Variants in BCAS3 observed in about 807,000 individuals in gnomAD.
The protein encoded by BCAS3 is BCAS3 microtubule associated cell migration factor.
BCAS3 carries 53 observed loss-of-function variants against 116.1 expected under a neutral mutation model. That is an observed-to-expected ratio of 0.46 (90% CI 0.37 to 0.57). The LOEUF is 0.57. Ranked by LOEUF, BCAS3 falls within the 20% of genes least tolerant of loss-of-function variation. BCAS3 has a pLI of 0.00. For missense variants in BCAS3, 917 were observed against 1,165.4 expected (o/e 0.79, Z 3.10); for synonymous variants, 391 against 408.2 (o/e 0.96, Z 0.51).
intron 12 of BCAS3, among the ~76,000 whole-genome samples, chr17:60,922,959 C>T (rs1055522401): frequency 3.3e-5 from 5 of 152,094 alleles, no homozygotes; most frequent in African/African-American, 7.2e-5. Context: ...AGAAAATTTA[C>T]AGCTTTAAAT....
intron 9 of BCAS3, among the ~76,000 whole-genome samples, chr17:60,888,084 A>G (rs1305111306): frequency 6.6e-6 from 1 of 152,146 alleles, no homozygotes; most frequent in Admixed American, 6.5e-5. Flanking sequence ...TCATGCTTAT[A>G]AGGTTGGGAT....
intron 7 of BCAS3, among the ~76,000 whole-genome samples, chr17:60,814,472 G>T (rs2049182640): frequency 6.6e-6 from 1 of 151,812 alleles, no homozygotes; most frequent in Non-Finnish European, 1.5e-5. Context: ...GAGTCTTTCG[G>T]GTCTTCTAGG....
chr17:61,307,380 A>G lies in BCAS3; in HGVS notation c.2426-60947A>G, dbSNP rs1209794632. On this transcript the variant is annotated intron_variant, in intron 22 of 23. Transcript: ENST00000407086. This position sits in a 1 kb window ranked among gnomAD's most constrained non-coding sequence, Gnocchi z 4.7. ...ACTAGAGTTTACTAGAGGTTTCCTC[A>G]AGTTCCTTGAGCATAATCTCAGAGA... Among the ~76,000 whole-genome samples, 2 of 152,240 alleles carry G rather than the reference A, an allele frequency of 1.3e-5. No individual in the cohort carries two copies. The highest frequency in any genetic ancestry group is 2.9e-5 in the Non-Finnish European group (2 of 68,040).
intron 6 of BCAS3, among the ~76,000 whole-genome samples, chr17:60,790,590 C>T (rs554534023): frequency 2.6e-5 from 4 of 152,040 alleles, no homozygotes; most frequent in African/African-American, 9.7e-5. Context: ...ACACCATGTA[C>T]AGTAAATTAT....
intron 22 of BCAS3, among the ~76,000 whole-genome samples, chr17:61,330,740 A>G (rs1206914737): frequency 6.6e-6 from 1 of 152,212 alleles, no homozygotes; most frequent in Non-Finnish European, 1.5e-5. Context: ...TCCGGCAGCA[A>G]TGGCCAGGGA....
chr17:60,737,968 G>A (rs907258458), intron 5 of BCAS3, among the ~76,000 whole-genome samples: 1 of 152,000 alleles, frequency 6.6e-6, no homozygotes, highest in African/African-American at 2.4e-5. Flanking sequence ...TGCATTTTTA[G>A]TAGAGATGGG....
intron 22 of BCAS3, among the ~76,000 whole-genome samples, chr17:61,129,253 A>C (rs1805567946): frequency 6.6e-6 from 1 of 152,254 alleles, no homozygotes; most frequent in South Asian, 2.1e-4. Flanking sequence ...ATTTCTTTGA[A>C]GTAGAGGAAC....
At chr17:60,952,142 C>A (rs968376348) in intron 14 of BCAS3, among the ~76,000 whole-genome samples, 3 of 151,990 alleles carry the variant, frequency 2.0e-5, no homozygotes, top group African/African-American at 7.2e-5. Context: ...ATGTAAAAAT[C>A]TTGAATTTTT....
At chr17:60,810,434 G>C (rs551054131) in intron 7 of BCAS3, 2 of 576,724 alleles carry the variant, frequency 3.5e-6, no homozygotes, top group East Asian at 7.5e-5. Flanking sequence ...CTGGACGATT[G>C]CCTGGCCTCC....
At chr17:60,803,650 CCTT>C (rs749479489) in intron 6 of BCAS3, among the ~76,000 whole-genome samples, 5 of 151,888 alleles carry the variant, frequency 3.3e-5, no homozygotes, top group Admixed American at 1.3e-4. Context: ...CTGGCATTTG[CCTT>C]CTTATTTAAA....
At chr17:61,154,846 A>G (rs1568466953) in intron 22 of BCAS3, among the ~76,000 whole-genome samples, 1 of 152,182 alleles carries the variant, frequency 6.6e-6, no homozygotes, top group East Asian at 1.9e-4. Context: ...TTTATTGTAA[A>G]TGAAGGCACT....
chr17:61,062,380 A>G (rs1417850431), intron 19 of BCAS3, among the ~76,000 whole-genome samples: 1 of 152,248 alleles, frequency 6.6e-6, no homozygotes. Context: ...GAGTCTGGCC[A>G]GATTATATAA....
At chr17:60,855,426 C>T (rs916002328) in intron 7 of BCAS3, among the ~76,000 whole-genome samples, 4 of 150,652 alleles carry the variant, frequency 2.7e-5, no homozygotes, top group African/African-American at 9.8e-5. Context: ...TTTATCTTTT[C>T]CAGCATTTGT....
chr17:60,990,308 A>G lies in BCAS3; in HGVS notation c.1486+73A>G. ...TCCTTATTTTTACAGATCTGGGATA[A>G]AACTAAACTTGTTATAGTCTGTTCA... On this transcript the variant is annotated intron_variant, in intron 15 of 23. Coordinates refer to ENST00000407086, the MANE Select transcript of BCAS3 (RefSeq NM_017679.5). This position sits in a 1 kb window ranked among gnomAD's most constrained non-coding sequence, Gnocchi z 5.1. 1 of 1,492,712 alleles carries G rather than the reference A, an allele frequency of 6.7e-7. No individual in the cohort carries two copies. The highest frequency in any genetic ancestry group is 2.3e-5 in the East Asian group (1 of 44,016). 92.5% of individuals were successfully genotyped at this position (1,492,712 alleles called of 1,614,324 possible).
chr17:61,329,844 G>C (rs2056113464), intron 22 of BCAS3, among the ~76,000 whole-genome samples: 1 of 152,150 alleles, frequency 6.6e-6, no homozygotes, highest in South Asian at 2.1e-4. Context: ...CATGAAGACC[G>C]CAAGACGCCG....
At chr17:61,025,220 C>CT (rs1485859186) in intron 16 of BCAS3, among the ~76,000 whole-genome samples, 12 of 152,034 alleles carry the variant, frequency 7.9e-5, no homozygotes, top group African/African-American at 2.9e-4. Context: ...AAGCTGAGCT[C>CT]TAGTAACATT....
intron 22 of BCAS3, among the ~76,000 whole-genome samples, chr17:61,225,884 G>A (rs1450184627): frequency 6.6e-6 from 1 of 152,182 alleles, no homozygotes; most frequent in Non-Finnish European, 1.5e-5. Flanking sequence ...AACCAAGGTA[G>A]GGAAGGCTTC....
At chr17:60,917,426 C>T (rs1014168900) in intron 12 of BCAS3, among the ~76,000 whole-genome samples, 1 of 152,090 alleles carries the variant, frequency 6.6e-6, no homozygotes, top group Non-Finnish European at 1.5e-5. Context: ...CCTTTTGTGT[C>T]TGGTTTATTT....
At chr17:61,039,037 A>G (rs754909834) in intron 18 of BCAS3, among the ~76,000 whole-genome samples, 1 of 152,224 alleles carries the variant, frequency 6.6e-6, no homozygotes, top group Non-Finnish European at 1.5e-5. Context: ...TTGTGCACTT[A>G]TCACTGCAAT....
Sources: gnomAD v4.1 joint callset for allele counts (sites outside exome capture counted in the v4.1 genomes callset) on GRCh38, gnomAD v4.1.1 for gene constraint, Gnocchi (gnomAD v3.1) non-coding constraint, MANE v1.5 for transcripts, NCBI Gene and HGNC (gene_info 2026-07-23, HGNC 2026-07-21) for gene names.